The following STRN3 variants were observed in gnomAD, a reference collection of about 807,000 sequenced individuals.
The protein encoded by STRN3 is striatin-3.
STRN3 carries 29 observed loss-of-function variants against 95.6 expected under a neutral mutation model. The ratio of observed to expected loss-of-function variants is 0.30; its 90% CI spans 0.23 to 0.41. STRN3 has a LOEUF of 0.41. STRN3 is among the 10% of genes least tolerant of loss of function. The pLI, the probability that STRN3 is intolerant of heterozygous loss-of-function variation, is 1.00. For missense variants in STRN3, 890 were observed against 972.1 expected, an observed-to-expected ratio of 0.92 and a Z score of 1.12; for synonymous variants, 331 against 357.6, an observed-to-expected ratio of 0.93 and a Z score of 0.84.
At chr14:31,022,366 G>A (rs1245872572) in intron 1 of STRN3, among the ~76,000 whole-genome samples, 2 of 137,168 alleles carry the variant, frequency 1.5e-5, no homozygotes, top group South Asian at 2.3e-4. Flanking sequence ...GGCGACAGTA[G>A]AGCGAGACTC....
chr14:31,004,080 T>A lies in STRN3; in HGVS notation c.282+21824A>T, dbSNP rs1667001423. On this transcript the variant is annotated intron_variant, in intron 1 of 17. Transcript: ENST00000357479. ...AGGCATATTACTTGAGCCCAAGCATTCGAGACCAGCTTAGGCAGCATGGTG... is the reference window on the plus strand; with the variant it reads ...AGGCATATTACTTGAGCCCAAGCATACGAGACCAGCTTAGGCAGCATGGTG... Among the ~76,000 whole-genome samples, 2 of 151,806 alleles carry A rather than the reference T, an allele frequency of 1.3e-5. 1 individual carries two copies. The highest frequency in any genetic ancestry group is 4.2e-4 in the South Asian group (2 of 4,804).
intron 16 of STRN3, among the ~76,000 whole-genome samples, chr14:30,901,197 T>G (rs28572507): frequency 6.6e-6 from 1 of 151,806 alleles, no homozygotes; most frequent in Non-Finnish European, 1.5e-5. Context: ...TCCCAGCATT[T>G]TGGGAGGCTG....
intron 1 of STRN3, among the ~76,000 whole-genome samples, chr14:30,994,232 T>G (rs770132763): frequency 1.8e-4 from 27 of 152,110 alleles, no homozygotes; most frequent in Non-Finnish European, 3.7e-4. Context: ...TTCAGGTGAT[T>G]TGCCTGCCTC....
At chr14:30,905,605 A>G in intron 14 of STRN3, 47 bp from the exon 15 acceptor site, 2 of 1,544,902 alleles carry the variant, frequency 1.3e-6, no homozygotes, top group Non-Finnish European at 1.7e-6. Context: ...TAAAATTACT[A>G]TGAAATCTCT....
intron 15 of STRN3, among the ~76,000 whole-genome samples, chr14:30,904,548 A>G (rs1896409574): frequency 6.6e-6 from 1 of 152,184 alleles, no homozygotes; most frequent in Non-Finnish European, 1.5e-5. Context: ...TCCTTAATAC[A>G]CACTAACTCC....
intron 7 of STRN3, among the ~76,000 whole-genome samples, chr14:30,929,962 A>AAAACAAAAAAC (rs1485609445): frequency 1.4e-5 from 2 of 147,138 alleles, no homozygotes; most frequent in African/African-American, 5.0e-5. Flanking sequence ...AGCAAAAAAA[A>AAAACAAAAAAC]AAAAAAAAAA....
At chr14:30,936,828 C>T (rs992611700) in intron 5 of STRN3, among the ~76,000 whole-genome samples, 2 of 152,148 alleles carry the variant, frequency 1.3e-5, no homozygotes, top group African/African-American at 2.4e-5. Context: ...CTGACTTTCT[C>T]CAAAGTTCAT....
chr14:30,992,794 G>A (rs889276811), intron 1 of STRN3, among the ~76,000 whole-genome samples: 4 of 151,774 alleles, frequency 2.6e-5, no homozygotes, highest in Non-Finnish European at 5.9e-5. Context: ...CGGTAAGATT[G>A]TTTGAGCCCA....
In STRN3 at chr14:30,895,485, C is replaced by G. The variant is rs1402642587; in HGVS notation, c.2320G>C (p.Asp774His). The G allele has an allele frequency of 6.2e-7, 1 of 1,614,106 alleles. No homozygotes were observed. Among genetic ancestry groups the G allele is most frequent in the Admixed American group, 1.7e-5 (1 of 60,020 alleles). ...HRKKLDESIY[D>H]VAFHSSKAYI... ...GCTTTTGACGAGTGGAAAGCAACAT[C>G]ATAAATTGATTCATCCAATTTCTTT... is the stretch of plus-strand genomic sequence containing the variant. The change falls in exon 18 of 18, where the codon GAT (aspartate) becomes CAT (histidine). Residue 774 changes from aspartate (D) to histidine (H), a missense_variant. Physicochemically the swap from Asp to His is moderately conservative, Grantham distance 81. This residue lies in a region of STRN3 where 357 missense variants were observed against 422.8 expected (regional missense o/e 0.84). Transcript: ENST00000357479.
In STRN3 at chr14:30,950,959, A is replaced by T; in HGVS notation, c.461-15T>A. On this transcript the variant is annotated splice_polypyrimidine_tract_variant and intron_variant, in intron 3 of 17. Coordinates refer to ENST00000357479, the MANE Select transcript of STRN3 (RefSeq NM_001083893.2). ...TTTGGTTTCTTCTAAAAATTAAGAA[A>T]AAAAAAGTTTTACATACTTTATTTC... 2 of 1,604,914 alleles carry T rather than the reference A, an allele frequency of 1.2e-6. No individual in the cohort carries two copies. Among genetic ancestry groups the T allele is most frequent in the Non-Finnish European group, 1.7e-6 (2 of 1,177,410 alleles).
intron 1 of STRN3, among the ~76,000 whole-genome samples, chr14:30,963,580 T>G (rs1880321529): frequency 6.6e-6 from 1 of 152,146 alleles, no homozygotes; most frequent in African/African-American, 2.4e-5. Flanking sequence ...AGCTAATTTT[T>G]GTATTTTTTG....
chr14:30,992,565 T>TAA (rs58987293), intron 1 of STRN3, among the ~76,000 whole-genome samples: 10 of 94,070 alleles, frequency 1.1e-4, no homozygotes, highest in Non-Finnish European at 1.6e-4. Context: ...CCTGTCTCTT[T>TAA]AAAAAAAAAA....
intron 8 of STRN3, among the ~76,000 whole-genome samples, chr14:30,921,065 T>TACACACACACAC (rs1374593800): frequency 1.5e-3 from 137 of 89,234 alleles, no homozygotes; most frequent in Admixed American, 4.2e-3. Context: ...TTTCTACACA[T>TACACACACACAC]ACATATACAC....
At chr14:30,947,031 TTAACAA>T (rs1879396874) in intron 5 of STRN3, 53 bp downstream of exon 5, 3 of 1,277,078 alleles carry the variant, frequency 2.3e-6, no homozygotes, top group Non-Finnish European at 3.1e-6. Context: ...GCTAAAGAGA[TTAACAA>T]TAACAATATC....
chr14:30,950,995 A>G, intron 3 of STRN3, 51 bp from the exon 4 acceptor site: 1 of 1,488,760 alleles, frequency 6.7e-7, no homozygotes, highest in South Asian at 1.2e-5. Context: ...GACTCCTGAA[A>G]ATATTGCCAA....
chr14:30,972,489 C>T (rs755359610), intron 1 of STRN3, among the ~76,000 whole-genome samples: 2 of 152,170 alleles, frequency 1.3e-5, no homozygotes, highest in African/African-American at 4.8e-5. Context: ...ACAGAAGTAA[C>T]TTGCCTTGCT....
At chr14:30,932,380 T>C (rs891980995) in intron 7 of STRN3, 4 of 152,224 alleles carry the variant, frequency 2.6e-5, no homozygotes, top group Non-Finnish European at 2.9e-5. Context: ...TCATCCTCTT[T>C]GCTTTGGAAA....
chr14:30,944,436 C>T (rs17097598), intron 5 of STRN3, among the ~76,000 whole-genome samples: 8,408 of 149,602 alleles, frequency 0.056, 441 homozygotes, highest in East Asian at 0.21. Flanking sequence ...TTAAACCTTA[C>T]AGAAAAAAAT....
chr14:30,922,278 T>C (rs576578712), intron 8 of STRN3, among the ~76,000 whole-genome samples: 67 of 152,144 alleles, frequency 4.4e-4, no homozygotes, highest in Admixed American at 1.1e-3. Flanking sequence ...TCCTCTCTCC[T>C]AAGCATCCCA....
Sources: gnomAD v4.1 joint callset for allele counts (sites outside exome capture counted in the v4.1 genomes callset) on GRCh38, gnomAD v4.1.1 for gene constraint, gnomAD v4.1.1 regional missense constraint, MANE v1.5 for transcripts, NCBI Gene and HGNC (gene_info 2026-07-23, HGNC 2026-07-21) for gene names.